Variants in LRBA observed in about 807,000 individuals in gnomAD.
LRBA encodes LPS responsive beige-like anchor protein, also known as lipopolysaccharide-responsive and beige-like anchor protein.
A neutral mutation model predicts 330.0 loss-of-function variants in LRBA; 176 were observed. The ratio of observed to expected loss-of-function variants is 0.53; its 90% CI spans 0.47 to 0.60. The LOEUF is 0.60. LRBA is among the 20% of genes least tolerant of loss of function. The probability of loss-of-function intolerance (pLI) is 0.00; values close to 1 mark genes in which losing one functional copy is unlikely to be tolerated. For missense variants in LRBA, 3,259 were observed against 3,444.8 expected, an observed-to-expected ratio of 0.95 and a Z score of 1.35; for synonymous variants, 1,230 against 1,193.0, an observed-to-expected ratio of 1.03 and a Z score of -0.64.
At chr4:150,783,889 G>C (rs1455222818) in intron 34 of LRBA, among the ~76,000 whole-genome samples, 1 of 152,132 alleles carries the variant, frequency 6.6e-6, no homozygotes, top group Admixed American at 6.5e-5. Context: ...AGGCAGAGAA[G>C]TTTGAATTTG....
At chr4:150,352,353 C>CA (rs965084164) in intron 47 of LRBA, among the ~76,000 whole-genome samples, 9 of 151,628 alleles carry the variant, frequency 5.9e-5, no homozygotes, top group East Asian at 5.8e-4. Context: ...TAGCTAAATA[C>CA]AAAAAAAATT....
intron 33 of LRBA, among the ~76,000 whole-genome samples, chr4:150,803,930 T>C (rs1260633398): frequency 6.6e-6 from 1 of 152,146 alleles, no homozygotes; most frequent in Admixed American, 6.5e-5. Context: ...CATGATCCTA[T>C]CTTGTTATCT....
chr4:150,297,761 C>A (rs755462045), intron 53 of LRBA, among the ~76,000 whole-genome samples: 2 of 152,292 alleles, frequency 1.3e-5, no homozygotes, highest in East Asian at 3.9e-4. Flanking sequence ...GATCAAGAAG[C>A]TAACAAGTTT....
chr4:150,366,446 C>T (rs1215203224), intron 47 of LRBA, among the ~76,000 whole-genome samples: 2 of 152,164 alleles, frequency 1.3e-5, no homozygotes, highest in African/African-American at 4.8e-5. Context: ...TAGAAGCAAT[C>T]TAAGCATTTA....
intron 44 of LRBA, among the ~76,000 whole-genome samples, chr4:150,455,220 T>C (rs935473113): frequency 6.6e-6 from 1 of 151,242 alleles, no homozygotes; most frequent in Non-Finnish European, 1.5e-5. Flanking sequence ...TGAGAATATG[T>C]GGTGTTTGGT....
At position 150,781,343 on chromosome 4, in the gene LRBA, T is replaced by C. The variant is rs983861731; in HGVS notation, c.5580+16738A>G. On this transcript the variant is annotated intron_variant, in intron 34 of 56. Coordinates refer to ENST00000651943, the MANE Select transcript of LRBA (RefSeq NM_001364905.1). ...CAGATTATCAGGCATTAGATTCTCA[T>C]AAGGAGCACACAACTTAGATCAGCT... Among the ~76,000 whole-genome samples the C allele has an allele frequency of 1.1e-4, 16 of 152,332 alleles. No individual in the cohort carries two copies. The East Asian group carries it at 3.1e-3, about 29-fold the overall frequency.
At chr4:150,688,246 G>A (rs551079484) in intron 36 of LRBA, among the ~76,000 whole-genome samples, 1 of 152,184 alleles carries the variant, frequency 6.6e-6, no homozygotes, top group East Asian at 1.9e-4. Flanking sequence ...AAACTGGCTA[G>A]CCATATGCAG....
chr4:150,310,166 C>T, intron 52 of LRBA, 63 bp downstream of exon 52: 2 of 1,171,780 alleles, frequency 1.7e-6, no homozygotes, highest in South Asian at 1.4e-5. Flanking sequence ...AAGAATGCAT[C>T]CTAAGCCTCT....
intron 2 of LRBA, among the ~76,000 whole-genome samples, chr4:150,985,030 G>A (rs1036782854): frequency 1.3e-5 from 2 of 152,150 alleles, no homozygotes; most frequent in African/African-American, 4.8e-5. Flanking sequence ...GGCCAAGGCG[G>A]GTGGATCACC....
Position 150,870,597 on chromosome 4 carries a change from C to G in LRBA, c.2377G>C (p.Glu793Gln), listed in dbSNP as rs1431390817. ...TGTATCACCTGAGTACCAATCTGTT[C>G]TATAAGAATCTACAGAAGTAAAACA... is the stretch of plus-strand genomic sequence containing the variant. ...TYNVLFEILI[E>Q]QIGTQVIHKQ... The change falls in exon 20 of 57, where the codon GAA becomes CAA. Residue 793 changes from glutamate to glutamine, a missense_variant. Physicochemically the swap from Glu to Gln is conservative, Grantham distance 29 (BLOSUM62 2). Coordinates refer to ENST00000651943, the MANE Select transcript of LRBA (RefSeq NM_001364905.1). The G allele has an allele frequency of 6.6e-7, 1 of 1,517,310 alleles. No homozygotes were observed. Among genetic ancestry groups the G allele is most frequent in the Admixed American group, 1.7e-5 (1 of 59,434 alleles). 94.0% of individuals were successfully genotyped at this position (1,517,310 alleles called of 1,614,324 possible). A position where few individuals can be genotyped will look rare whatever the true frequency, so the allele number is the denominator to read the frequency against.
At position 150,621,246 on chromosome 4, in the gene LRBA, T is replaced by C. The variant is rs1264906803; in HGVS notation, c.5922-22115A>G. 2.0e-5 allele frequency among the ~76,000 whole-genome samples: 3 copies of C among 152,224 alleles called. No individual in the cohort carries two copies. In the East Asian group the frequency reaches 5.8e-4, roughly 29 times the overall value. On this transcript the variant is annotated intron_variant, in intron 37 of 56. Transcript: ENST00000651943. ...AAGATATTTTTTATAATGATTCAAATGCTCTTTTTATACATGATCTCCCTT... is the reference window on the plus strand; with the variant it reads ...AAGATATTTTTTATAATGATTCAAACGCTCTTTTTATACATGATCTCCCTT...
chr4:150,857,012 G>A (rs563334313), intron 22 of LRBA, among the ~76,000 whole-genome samples: 13 of 152,116 alleles, frequency 8.5e-5, no homozygotes, highest in African/African-American at 2.4e-4. Flanking sequence ...CATTAAAACC[G>A]TATAACCTGT....
At chr4:150,817,450 C>G (rs1744770368) in intron 30 of LRBA, among the ~76,000 whole-genome samples, 193 bp from the exon 31 acceptor site, 1 of 151,922 alleles carries the variant, frequency 6.6e-6, no homozygotes, top group Non-Finnish European at 1.5e-5. Flanking sequence ...CTGCATTTCA[C>G]TATGAAAATA....
At chr4:151,013,648 C>T (rs1420432519) in intron 2 of LRBA, 2 of 152,202 alleles carry the variant, frequency 1.3e-5, no homozygotes, top group East Asian at 1.9e-4. Flanking sequence ...ATAGCTTGAA[C>T]TTAGGAGTTT....
chr4:150,922,271 A>C (rs1733368205), intron 4 of LRBA, among the ~76,000 whole-genome samples: 1 of 151,960 alleles, frequency 6.6e-6, no homozygotes, highest in Non-Finnish European at 1.5e-5. Flanking sequence ...ACTATATTCC[A>C]CTGTTAAAGG....
intron 14 of LRBA, among the ~76,000 whole-genome samples, 175 bp downstream of exon 14, chr4:150,899,874 G>C (rs942193793): frequency 2.0e-5 from 3 of 151,970 alleles, no homozygotes; most frequent in African/African-American, 7.3e-5. Flanking sequence ...TTAAACTCTA[G>C]AAACCACAAT....
intron 37 of LRBA, among the ~76,000 whole-genome samples, chr4:150,625,690 T>C (rs1452326497): frequency 1.4e-5 from 2 of 146,890 alleles, no homozygotes; most frequent in Non-Finnish European, 3.0e-5. Context: ...ACCGAGATTA[T>C]ATATATATAT....
chr4:150,796,926 A>G (rs1053072716), intron 34 of LRBA, among the ~76,000 whole-genome samples: 3 of 151,930 alleles, frequency 2.0e-5, no homozygotes, highest in African/African-American at 7.2e-5. Flanking sequence ...GAGAAATTTT[A>G]TCTAGTCAGC....
chr4:150,389,995 GCTT>G (rs561191696), intron 47 of LRBA, among the ~76,000 whole-genome samples: 2 of 146,930 alleles, frequency 1.4e-5, no homozygotes, highest in Non-Finnish European at 3.0e-5. Flanking sequence ...TCAGAAAAGT[GCTT>G]CTTATCTTTT....
Sources: allele counts gnomAD v4.1 joint callset (sites outside exome capture counted in the v4.1 genomes callset), GRCh38; gene constraint gnomAD v4.1.1; transcripts MANE v1.5; gene names NCBI Gene and HGNC (gene_info 2026-07-23, HGNC 2026-07-21).